Variants in RORB observed in about 807,000 individuals in gnomAD.
RORB encodes nuclear receptor ROR-beta.
A neutral mutation model predicts 59.1 loss-of-function variants in RORB; 6 were observed. The observed-to-expected ratio is 0.10, with a 90% CI of 0.06 to 0.20. The LOEUF (loss-of-function observed/expected upper bound fraction) is 0.20, where lower values mean the gene tolerates loss of function less well. RORB is among the 10% of genes least tolerant of loss of function. The pLI, the probability that RORB is intolerant of heterozygous loss-of-function variation, is 1.00. For missense variants in RORB, 320 were observed against 560.5 expected (o/e 0.57, Z 4.33); for synonymous variants, 215 against 204.5 (o/e 1.05, Z -0.44).
intron 1 of RORB, among the ~76,000 whole-genome samples, chr9:74,609,237 G>A (rs183547484): frequency 6.6e-6 from 1 of 152,256 alleles, no homozygotes; most frequent in Admixed American, 6.5e-5. Context: ...TACAAATGAG[G>A]AAACAAAGGT....
At chr9:74,525,021 A>G (rs1826138080) in intron 1 of RORB, among the ~76,000 whole-genome samples, 1 of 151,924 alleles carries the variant, frequency 6.6e-6, no homozygotes, top group African/African-American at 2.4e-5. Flanking sequence ...ATCAAATTAT[A>G]TTTAATTTTA....
intron 9 of RORB, among the ~76,000 whole-genome samples, chr9:74,672,564 C>T (rs1824366035): frequency 6.6e-6 from 1 of 152,066 alleles, no homozygotes; most frequent in Non-Finnish European, 1.5e-5. Context: ...AACATGTCAT[C>T]AATTTCTTGA....
At chr9:74,588,708 A>G (rs1368579190) in intron 1 of RORB, among the ~76,000 whole-genome samples, 1 of 152,236 alleles carries the variant, frequency 6.6e-6, no homozygotes, top group Admixed American at 6.5e-5. Context: ...ATGAAATAGT[A>G]TATTCATTAC....
intron 1 of RORB, among the ~76,000 whole-genome samples, chr9:74,581,329 C>T (rs372431356): frequency 6.6e-6 from 1 of 152,144 alleles, no homozygotes; most frequent in Non-Finnish European, 1.5e-5. Flanking sequence ...AACAAACATT[C>T]TCCATGTGCT....
chr9:74,499,523 G>C (rs972079349), intron 1 of RORB, among the ~76,000 whole-genome samples: 2 of 152,192 alleles, frequency 1.3e-5, no homozygotes, highest in Non-Finnish European at 2.9e-5. Flanking sequence ...AGGACGTCCT[G>C]ATGGGATGGT....
chr9:74,544,737 T>A (rs750733503), intron 1 of RORB, among the ~76,000 whole-genome samples: 11 of 152,192 alleles, frequency 7.2e-5, no homozygotes, highest in Non-Finnish European at 1.3e-4. Flanking sequence ...CTCCTTCGTG[T>A]GCACAGGAAT....
intron 5 of RORB, 80 bp from the exon 6 acceptor site, chr9:74,662,394 C>T (rs1824202570): frequency 7.1e-7 from 1 of 1,415,866 alleles, no homozygotes; most frequent in East Asian, 2.3e-5. Context: ...AGATAAGCAC[C>T]AGTAAGGCAA....
chr9:74,585,985 AG>A, intron 1 of RORB, among the ~76,000 whole-genome samples: 1 of 151,476 alleles, frequency 6.6e-6, no homozygotes, highest in Admixed American at 6.6e-5. Context: ...TAGTAGAGAC[AG>A]GGTTTCACCG....
intron 1 of RORB, among the ~76,000 whole-genome samples, chr9:74,597,841 C>T (rs1822993134): frequency 6.6e-6 from 1 of 151,912 alleles, no homozygotes; most frequent in Non-Finnish European, 1.5e-5. Flanking sequence ...GCCTGTAATC[C>T]CAGCTACTTG....
At chr9:74,585,811 T>TTTATTTATTTAC (rs1231005086) in intron 1 of RORB, among the ~76,000 whole-genome samples, 2 of 151,866 alleles carry the variant, frequency 1.3e-5, no homozygotes, top group Admixed American at 6.6e-5. Context: ...TATTTATTTA[T>TTTATTTATTTAC]TGAGACGGAT....
intron 9 of RORB, among the ~76,000 whole-genome samples, chr9:74,680,991 G>T (rs1304264842): frequency 6.6e-6 from 1 of 152,000 alleles, no homozygotes; most frequent in Non-Finnish European, 1.5e-5. Context: ...TTTTCTTCTT[G>T]TAGACCCCTG....
At chr9:74,512,509 C>T (rs1825955607) in intron 1 of RORB, among the ~76,000 whole-genome samples, 1 of 152,144 alleles carries the variant, frequency 6.6e-6, no homozygotes, top group Admixed American at 6.6e-5. Context: ...TCAAAACAGG[C>T]AGTGATTTTG....
chr9:74,571,227 A>G (rs1407383688), intron 1 of RORB, among the ~76,000 whole-genome samples: 1 of 152,104 alleles, frequency 6.6e-6, no homozygotes, highest in East Asian at 1.9e-4. Context: ...TCTCGATTAA[A>G]TTTGAAACAA....
At chr9:74,672,322 T>C (rs971362957) in intron 9 of RORB, among the ~76,000 whole-genome samples, 6 of 152,114 alleles carry the variant, frequency 3.9e-5, no homozygotes, top group African/African-American at 1.4e-4. Context: ...ATGATGAGAA[T>C]TGTTGTATGG....
At chr9:74,576,834 A>T (rs10735635) in intron 1 of RORB, among the ~76,000 whole-genome samples, 1 of 152,062 alleles carries the variant, frequency 6.6e-6, no homozygotes, top group African/African-American at 2.4e-5. Flanking sequence ...GCCATGTACC[A>T]GCAAGTGCTT....
chr9:74,660,160 G>A (rs147630122), intron 4 of RORB, among the ~76,000 whole-genome samples: 28 of 151,804 alleles, frequency 1.8e-4, no homozygotes, highest in Non-Finnish European at 2.9e-4. Flanking sequence ...TTAGTTTATT[G>A]TTTAATGCTT....
chr9:74,538,507 T>C (rs1398564240), intron 1 of RORB, among the ~76,000 whole-genome samples: 3 of 152,112 alleles, frequency 2.0e-5, no homozygotes, highest in Non-Finnish European at 4.4e-5. Flanking sequence ...TAATTTATTG[T>C]GAAAGTGCTT....
chr9:74,667,576 A>G (rs1824287051), intron 7 of RORB, among the ~76,000 whole-genome samples: 2 of 152,196 alleles, frequency 1.3e-5, no homozygotes, highest in African/African-American at 4.8e-5. Flanking sequence ...TTGGTAGGTA[A>G]TGTTAACTTG....
At chr9:74,524,688 A>T (rs1826132283) in intron 1 of RORB, among the ~76,000 whole-genome samples, 5 of 151,924 alleles carry the variant, frequency 3.3e-5, no homozygotes, top group Admixed American at 3.3e-4. Context: ...GGGTAATCAA[A>T]GCTTAGATCA....
Sources: allele counts gnomAD v4.1 joint callset (sites outside exome capture counted in the v4.1 genomes callset), GRCh38; gene constraint gnomAD v4.1.1; transcripts MANE v1.5; gene names NCBI Gene and HGNC (gene_info 2026-07-23, HGNC 2026-07-21).